Variants in NDUFAF7 observed in about 807,000 individuals in gnomAD.
The protein encoded by NDUFAF7 is NADH:ubiquinone oxidoreductase complex assembly factor 7, also known as protein arginine methyltransferase NDUFAF7, mitochondrial.
A neutral mutation model predicts 47.2 loss-of-function variants in NDUFAF7; 48 were observed. The observed-to-expected ratio is 1.02, with a 90% CI of 0.81 to 1.29. The LOEUF is 1.29. NDUFAF7 is among the 50% of genes most tolerant of loss of function. The probability of loss-of-function intolerance (pLI) is 0.00; values close to 1 mark genes in which losing one functional copy is unlikely to be tolerated. For missense variants in NDUFAF7, 635 were observed against 537.6 expected, an observed-to-expected ratio of 1.18 and a Z score of -1.79; for synonymous variants, 217 against 190.0, an observed-to-expected ratio of 1.14 and a Z score of -1.17.
downstream of NDUFAF7, among the ~76,000 whole-genome samples, chr2:37,257,671 GAAAAAAAAAAAA>G (rs1164110574): frequency 2.5e-4 from 7 of 28,540 alleles, no homozygotes; most frequent in Non-Finnish European, 2.9e-4. Context: ...TGTCTCAAAA[GAAAAAAAAAAAA>G]AAAAAAAAAA....
At chr2:37,256,210 G>C (rs184074714), downstream of NDUFAF7, among the ~76,000 whole-genome samples, 137 of 152,278 alleles carry the variant, frequency 9.0e-4, no homozygotes, top group Non-Finnish European at 1.7e-3. Flanking sequence ...TAAACAACTA[G>C]GTTTGTGTAG....
chr2:37,262,028 T>G, the NDUFAF7 span, among the ~76,000 whole-genome samples: 4 of 152,222 alleles, frequency 2.6e-5, no homozygotes, highest in Non-Finnish European at 2.9e-5. Context: ...GTGCTTAAGG[T>G]AGGCTACACG....
At chr2:37,246,995 C>T (rs1257014034) in intron 8 of NDUFAF7, among the ~76,000 whole-genome samples, 1 of 151,946 alleles carries the variant, frequency 6.6e-6, no homozygotes, top group East Asian at 1.9e-4. Context: ...AGCCTGTCAC[C>T]CAGGTGGCAA....
At chr2:37,247,261 C>T in intron 8 of NDUFAF7, 195 bp from the exon 9 acceptor site, 1 of 647,706 alleles carries the variant, frequency 1.5e-6, no homozygotes, top group Non-Finnish European at 2.7e-6. Context: ...TAGTGTATCT[C>T]AGGTGATTCT....
the NDUFAF7 span, chr2:37,259,770 C>T: frequency 3.5e-6 from 3 of 869,274 alleles, no homozygotes. Context: ...TTGAAAACTC[C>T]ACTATAGTTC....
chr2:37,247,670 A>G (rs764257978), intron 9 of NDUFAF7, 41 bp downstream of exon 9: 2 of 1,606,052 alleles, frequency 1.2e-6, no homozygotes, highest in East Asian at 2.2e-5. Flanking sequence ...GTACTTTCAT[A>G]GTATTTCAAA....
chr2:37,237,935 ATGT>A, intron 4 of NDUFAF7, 68 bp downstream of exon 4: 1 of 1,098,076 alleles, frequency 9.1e-7, no homozygotes, highest in Non-Finnish European at 1.4e-6. Context: ...TGTGCAAACC[ATGT>A]TGATTTCATT....
intron 3 of NDUFAF7, among the ~76,000 whole-genome samples, chr2:37,236,780 CAA>C (rs557865044): frequency 5.2e-5 from 5 of 96,998 alleles, no homozygotes; most frequent in Non-Finnish European, 6.6e-5. Flanking sequence ...AACTCCGTCT[CAA>C]AAAAAAAAAA....
rs1487080765 is a variant in NDUFAF7, at chr2:37,231,727, G to C, written c.22G>C (p.Gly8Arg). MSVLLRS[G>R]LGPLCAVARA... ...CAGCATGAGTGTACTGCTGAGGTCA[G>C]GTTTGGGGCCGTTGTGTGCCGTGGC... Residue 8 changes from glycine to arginine, a missense_variant, in exon 1 of 10, where the codon GGT becomes CGT. Gly to Arg is a moderately radical substitution (Grantham distance 125). Transcript: ENST00000002125. 6 of 1,614,136 alleles carry C rather than the reference G, an allele frequency of 3.7e-6. No homozygotes were observed. Among genetic ancestry groups the C allele is most frequent in the Middle Eastern group, 1.6e-4 (1 of 6,084 alleles).
intron 4 of NDUFAF7, 30 bp from the exon 5 acceptor site, chr2:37,241,548 T>C (rs1666328998): frequency 1.9e-6 from 3 of 1,547,128 alleles, no homozygotes; most frequent in African/African-American, 2.7e-5. Context: ...CTTAACACAT[T>C]GTATTTTTTT....
chr2:37,247,517 C>G lies in NDUFAF7; in HGVS notation c.998C>G (p.Ala333Gly). 1 of 1,614,020 alleles carries G rather than the reference C, an allele frequency of 6.2e-7. No homozygotes were observed. The highest frequency in any genetic ancestry group is 8.5e-7 in the Non-Finnish European group (1 of 1,179,958). ...GCCCCAGGAACAGCAGATCTAACAG[C>G]TGATGTGGACTTCAGTTATTTGCGA... The part of the protein sequence containing the change: ...LIAPGTADLT[A>G]DVDFSYLRRM... Residue 333 changes from alanine to glycine, a missense_variant, in exon 9 of 10, where the codon GCT becomes GGT. By Grantham distance (60) the Ala-to-Gly change is moderately conservative. Transcript: ENST00000002125.
chr2:37,232,796 G>A (rs927122821), intron 2 of NDUFAF7, among the ~76,000 whole-genome samples: 2 of 152,178 alleles, frequency 1.3e-5, no homozygotes, highest in Non-Finnish European at 2.9e-5. Context: ...CGTCTTCACT[G>A]TTCTAGGATT....
chr2:37,245,238 A>G (rs1042959543), intron 7 of NDUFAF7, among the ~76,000 whole-genome samples: 1 of 152,240 alleles, frequency 6.6e-6, no homozygotes, highest in Non-Finnish European at 1.5e-5. Flanking sequence ...GCCTGTTACC[A>G]TAGGCAGACA....
intron 4 of NDUFAF7, among the ~76,000 whole-genome samples, chr2:37,238,798 A>C (rs1666055760): frequency 6.6e-6 from 1 of 152,068 alleles, no homozygotes; most frequent in African/African-American, 2.4e-5. Flanking sequence ...AGAATTATTT[A>C]AATAACTCCT....
At chr2:37,253,972 C>T (rs1329764881), downstream of NDUFAF7, among the ~76,000 whole-genome samples, 1 of 152,114 alleles carries the variant, frequency 6.6e-6, no homozygotes. Flanking sequence ...GTGAAATGAA[C>T]ACATAGGTCT....
chr2:37,270,862 A>G, the NDUFAF7 span, among the ~76,000 whole-genome samples: 22 of 152,340 alleles, frequency 1.4e-4, no homozygotes, highest in Admixed American at 3.3e-4. Flanking sequence ...ATGTGTATAT[A>G]TATTTGTTAA....
chr2:37,246,326 T>C lies in NDUFAF7; in HGVS notation c.936+131T>C, dbSNP rs1356170908. ...TTTTATAGTTAACATTAATTCATGT[T>C]ATTGTAATTCCCCTTAACCCTAGTT... On this transcript the variant is annotated intron_variant, in intron 8 of 9. Transcript: ENST00000002125. 4 of 1,096,096 alleles carry C rather than the reference T, an allele frequency of 3.6e-6. No homozygotes were observed. The Admixed American group carries it at 7.9e-5, about 22-fold the overall frequency. The allele number at this position is 1,096,096 out of a possible 1,614,324, so 67.9% of individuals were successfully genotyped here.
chr2:37,238,539 CCA>C (rs1175420890), intron 4 of NDUFAF7, among the ~76,000 whole-genome samples: 1 of 151,350 alleles, frequency 6.6e-6, no homozygotes, highest in Non-Finnish European at 1.5e-5. Context: ...TTGCTTGAGG[CCA>C]AGAGTTCAAG....
the NDUFAF7 span, chr2:37,267,758 A>G: frequency 4.4e-6 from 2 of 450,038 alleles, no homozygotes; most frequent in Non-Finnish European, 7.8e-6. Flanking sequence ...TTATCTAAAC[A>G]GGAGAAAATT....
Sources: allele counts gnomAD v4.1 joint callset (sites outside exome capture counted in the v4.1 genomes callset), GRCh38; gene constraint gnomAD v4.1.1; transcripts MANE v1.5; gene names NCBI Gene and HGNC (gene_info 2026-07-23, HGNC 2026-07-21).